MPV17L2: variants seen among roughly 807,000 people sequenced by gnomAD.
MPV17L2 encodes the protein MPV17 mitochondrial inner membrane protein like 2.
In MPV17L2, 25 loss-of-function variants were observed where a neutral mutation model predicts 24.2. The ratio of observed to expected loss-of-function variants is 1.03; its 90% CI spans 0.75 to 1.44. The LOEUF is 1.44. Ranked by LOEUF, MPV17L2 falls within the 40% of genes most tolerant of loss-of-function variation. MPV17L2 has a pLI of 0.00. For synonymous variants in MPV17L2, 130 were observed against 121.4 expected (o/e 1.07, Z -0.46); for missense variants, 271 against 276.2 (o/e 0.98, Z 0.13).
rs780866737 is a variant in MPV17L2 at position 18,194,779 on chromosome 19, C to T, written c.361C>T (p.Leu121Phe). The T allele has an allele frequency of 6.2e-7, 1 of 1,607,762 alleles. No homozygotes were observed. Among genetic ancestry groups the T allele is most frequent in the Non-Finnish European group, 8.5e-7 (1 of 1,177,720 alleles). The change falls in exon 3 of 5, where the codon CTT becomes TTT. Residue 121 changes from leucine (L) to phenylalanine (F), a missense_variant and splice_region_variant. Transcript: ENST00000599612. Reference protein sequence around the residue: ...PLLGVWYFLGLGCLEGQTVGE... With the variant: ...PLLGVWYFLGFGCLEGQTVGE... The stretch of plus-strand genomic sequence containing the variant: ...TCATTTCTTGGTTTGCTTCCCAGGC[C>T]TTGGCTGCCTGGAGGGTCAGACAGT...
Position 18,196,738 on chromosome 19 carries a change from G to T in MPV17L2, c.*683G>T. ...ATATTGAAAAATAAAAATAACAAAA[G>T]AAAATGCTGTGGATGATCAAAACCA... is the stretch of plus-strand genomic sequence containing the variant. On this transcript the variant is annotated 3_prime_UTR_variant, in exon 5 of 5. Transcript: ENST00000599612. 1 of 320,434 alleles carries T rather than the reference G, an allele frequency of 3.1e-6. No homozygotes were observed. Among genetic ancestry groups the T allele is most frequent in the African/African-American group, 2.2e-5 (1 of 46,462 alleles). 19.8% of individuals were successfully genotyped at this position (320,434 alleles called of 1,614,324 possible). A position where few individuals can be genotyped will look rare whatever the true frequency, so the allele number is the denominator to read the frequency against.
chr19:18,194,126 C>T (rs1459478277), intron 2 of MPV17L2, 92 bp downstream of exon 2: 1 of 1,423,316 alleles, frequency 7.0e-7, no homozygotes, highest in South Asian at 1.3e-5. Flanking sequence ...GGTGCATTTC[C>T]AATTTGCCCC....
chr19:18,195,516 ACAGAGCGAG>A, intron 4 of MPV17L2, among the ~76,000 whole-genome samples: 1 of 149,638 alleles, frequency 6.7e-6, no homozygotes, highest in East Asian at 2.0e-4. Context: ...AGCCTAGGTG[ACAGAGCGAG>A]ACTCCGTTTC....
At chr19:18,193,506 G>A (rs1210014603) in intron 1 of MPV17L2, 38 bp downstream of exon 1, 1 of 1,443,830 alleles carries the variant, frequency 6.9e-7, no homozygotes, top group Admixed American at 2.7e-5. Flanking sequence ...CACCCCGGGC[G>A]ACCTTTGATC....
chr19:18,193,303 C>T lies in MPV17L2; in HGVS notation c.22C>T (p.Arg8Trp). The T allele has an allele frequency of 6.5e-7, 1 of 1,547,460 alleles. No homozygotes were observed. Among genetic ancestry groups the T allele is most frequent in the South Asian group, 1.2e-5 (1 of 84,036 alleles). The change falls in exon 1 of 5, where the codon CGG (arginine) becomes TGG (tryptophan). Residue 8 changes from arginine (R) to tryptophan (W), a missense_variant. By Grantham distance (101) the Arg-to-Trp change is moderately radical. Transcript: ENST00000599612. Reference sequence around the variant, plus strand: ...GGCGATGGCGCGGGGTGGCTGGCGCCGGCTACGCCGCCTGTTATCCGCGGG... The same window carrying T: ...GGCGATGGCGCGGGGTGGCTGGCGCTGGCTACGCCGCCTGTTATCCGCGGG... MARGGWRRLRRLLSAGQL... is the reference protein window; with the variant it reads MARGGWRWLRRLLSAGQL...
rs1967471359 is a variant in MPV17L2 at position 18,194,180 on chromosome 19, C to T, written c.358+146C>T. 4.7e-6 allele frequency: 4 copies of T among 850,626 alleles called. No homozygotes were observed. In the Admixed American group the frequency reaches 1.0e-4, roughly 22 times the overall value. 52.7% of individuals were successfully genotyped at this position (850,626 alleles called of 1,614,324 possible). A position where few individuals can be genotyped will look rare whatever the true frequency, so the allele number is the denominator to read the frequency against. ...ACTAGGAGCCAGGTCACAGCGGGGA[C>T]AGGACGGACTCGGCCGATGTGAACG... On this transcript the variant is annotated intron_variant, in intron 2 of 4. Coordinates refer to ENST00000599612, the MANE Select transcript of MPV17L2 (RefSeq NM_032683.3).
chr19:18,195,087 G>C lies in MPV17L2; in HGVS notation c.564+1G>C, dbSNP rs376802431. On this transcript the variant is annotated splice_donor_variant, in intron 4 of 4. Transcript: ENST00000599612. LOFTEE classifies it high-confidence loss of function. ...GTACCTGTCCTACTTGAAGTACCGG[G>C]TGAGTGTGGAGGGCATACCAGGCAC... 21 of 1,613,902 alleles carry C rather than the reference G, an allele frequency of 1.3e-5. No individual in the cohort carries two copies. Among genetic ancestry groups the C allele is most frequent in the Non-Finnish European group, 1.4e-5 (17 of 1,179,862 alleles).
rs749143286 is a variant in MPV17L2, at chr19:18,195,143, G to C, written c.564+57G>C. On this transcript the variant is annotated intron_variant, in intron 4 of 4. Transcript: ENST00000599612. ...GGACTCCCCAGGGGGCTACACGTGT[G>C]AGCTCCAAGTGGCAGTGTAGCCAGC... 285 of 1,575,438 alleles carry C rather than the reference G, an allele frequency of 1.8e-4. 1 individual carries two copies. Among genetic ancestry groups the C allele is most frequent in the Non-Finnish European group, 2.4e-4 (277 of 1,156,896 alleles).
At position 18,196,180 on chromosome 19, in the gene MPV17L2, G is replaced by T. The variant is rs17683509; in HGVS notation, c.*125G>T. ...CACGTCCCAGCACCACTTCAGCTCC[G>T]GAGCATTGGGCTGAGCCGCCCTTTC... On this transcript the variant is annotated 3_prime_UTR_variant, in exon 5 of 5. Transcript: ENST00000599612. The T allele has an allele frequency of 7.0e-6, 11 of 1,560,752 alleles. No homozygotes were observed. In the Admixed American group the frequency reaches 2.1e-4, roughly 29 times the overall value.
At position 18,193,386 on chromosome 19, in the gene MPV17L2, G is replaced by C. The variant is rs1485435570; in HGVS notation, c.105G>C (p.Ala35=). 4.5e-6 allele frequency: 7 copies of C among 1,567,128 alleles called. No individual in the cohort carries two copies. Among genetic ancestry groups the C allele is most frequent in the African/African-American group, 1.4e-5 (1 of 72,574 alleles). The change falls in exon 1 of 5, where the codon GCG becomes GCC. Residue 35 remains alanine, a synonymous_variant. Transcript: ENST00000599612. ...LLVTNTLGCG[A]LMAAGDGVRQ... is the part of the protein sequence containing the mutation. The stretch of plus-strand genomic sequence containing the variant: ...TCACTAACACGCTGGGCTGCGGCGC[G>C]CTCATGGCGGCCGGTGATGGCGTGC...
At position 18,196,248 on chromosome 19, in the gene MPV17L2, C is replaced by A; in HGVS notation, c.*193C>A. The A allele has an allele frequency of 6.6e-7, 1 of 1,523,132 alleles. No individual in the cohort carries two copies. The highest frequency in any genetic ancestry group is 8.8e-7 in the Non-Finnish European group (1 of 1,138,714). The allele number at this position is 1,523,132 out of a possible 1,614,324, so 94.4% of individuals were successfully genotyped here. ...CTGAGTTTCCTCAACCGGAACACAC[C>A]CATGAAGATGGATGATCATCCCCTA... On this transcript the variant is annotated 3_prime_UTR_variant, in exon 5 of 5. Transcript: ENST00000599612.
In MPV17L2 at chr19:18,193,841, CCCCCTGA is replaced by C; in HGVS notation, c.188-21_188-15del. On this transcript the variant is annotated splice_polypyrimidine_tract_variant and intron_variant, in intron 1 of 4. Coordinates refer to ENST00000599612, the MANE Select transcript of MPV17L2 (RefSeq NM_032683.3). ...TGAGGAACTTGCCGGCCCGACCCAGCCCCCTGACTTACACTCTTATAGCGAGCATGTT... is the reference window on the plus strand; with the variant it reads ...TGAGGAACTTGCCGGCCCGACCCAGCCTTACACTCTTATAGCGAGCATGTT... 4 of 1,610,266 alleles carry C rather than the reference CCCCCTGA, an allele frequency of 2.5e-6. No individual in the cohort carries two copies. The highest frequency in any genetic ancestry group is 3.4e-6 in the Non-Finnish European group (4 of 1,177,096).
At chr19:18,193,791 C>A in intron 1 of MPV17L2, 73 bp from the exon 2 acceptor site, 1 of 1,577,920 alleles carries the variant, frequency 6.3e-7, no homozygotes, top group African/African-American at 1.3e-5. Flanking sequence ...CAGGCCTTAG[C>A]CAGGGAGGGA....
rs757592714 is a variant in MPV17L2, at chr19:18,195,002, C to T, written c.480C>T (p.Leu160=). The change falls in exon 4 of 5, where the codon CTC becomes CTT. Residue 160 remains leucine, a synonymous_variant. Coordinates refer to ENST00000599612, the MANE Select transcript of MPV17L2 (RefSeq NM_032683.3). ...CTGCTGCGCAGTTCGTGAACTTCCT[C>T]TTCGTGCCCCCCCAATTTCGAGTCA... ...VWPAAQFVNF[L]FVPPQFRVTY... 6.2e-6 allele frequency: 10 copies of T among 1,614,072 alleles called. No individual in the cohort carries two copies. In the East Asian group the frequency reaches 1.6e-4, roughly 25 times the overall value.
chr19:18,195,677 C>A (rs1371470350), intron 4 of MPV17L2, among the ~76,000 whole-genome samples: 2 of 149,486 alleles, frequency 1.3e-5, no homozygotes, highest in Non-Finnish European at 3.0e-5. Flanking sequence ...ACTAAAAATA[C>A]AAAAAAAAAA....
Position 18,193,990 on chromosome 19 carries a change from A to T in MPV17L2, c.314A>T (p.Asp105Val), listed in dbSNP as rs769274039. The change falls in exon 2 of 5, where the codon GAT (aspartate) becomes GTT (valine). Residue 105 changes from aspartate to valine, a missense_variant. Coordinates refer to ENST00000599612, the MANE Select transcript of MPV17L2 (RefSeq NM_032683.3). Reference protein sequence around the residue: ...FPNVLKKVLVDQLVASPLLGV... With the variant: ...FPNVLKKVLVVQLVASPLLGV... Reference sequence around the variant, plus strand: ...AATGTCCTCAAGAAGGTCCTCGTGGATCAGCTGGTAGCCTCTCCATTGCTG... The same window carrying T: ...AATGTCCTCAAGAAGGTCCTCGTGGTTCAGCTGGTAGCCTCTCCATTGCTG... The T allele has an allele frequency of 6.2e-7, 1 of 1,614,236 alleles. No homozygotes were observed. Among genetic ancestry groups the T allele is most frequent in the East Asian group, 2.2e-5 (1 of 44,894 alleles).
In MPV17L2 at chr19:18,194,933, CCTCATCCCCCGCCT is replaced by C. The variant is rs890301876; in HGVS notation, c.436-21_436-8del. The C allele has an allele frequency of 1.9e-6, 3 of 1,608,058 alleles. No homozygotes were observed. In the African/African-American group the frequency reaches 4.0e-5, roughly 21 times the overall value. ...GCCCCCGCCCAGCTCTGGCCCCGCC[CCTCATCCCCCGCCT>C]CTCCCCGCAGGCAGACTGGTGCGTG... On this transcript the variant is annotated splice_polypyrimidine_tract_variant and intron_variant, in intron 3 of 4. Transcript: ENST00000599612.
Position 18,196,200 on chromosome 19 carries a change from C to T in MPV17L2, c.*145C>T, listed in dbSNP as rs748798911. The T allele has an allele frequency of 6.5e-7, 1 of 1,541,268 alleles. No homozygotes were observed. Among genetic ancestry groups the T allele is most frequent in the Non-Finnish European group, 8.7e-7 (1 of 1,148,046 alleles). On this transcript the variant is annotated 3_prime_UTR_variant, in exon 5 of 5. Transcript: ENST00000599612. The stretch of plus-strand genomic sequence containing the variant: ...GCTCCGGAGCATTGGGCTGAGCCGC[C>T]CTTTCCAAGCTCACTTCTGGGACTG...
intron 4 of MPV17L2, among the ~76,000 whole-genome samples, 165 bp from the exon 5 acceptor site, chr19:18,195,834 C>T (rs1967507738): frequency 6.6e-6 from 1 of 152,244 alleles, no homozygotes. Context: ...GAGACTCCGT[C>T]TCAAACAAAC....
Sources: allele counts gnomAD v4.1 joint callset (sites outside exome capture counted in the v4.1 genomes callset), GRCh38; gene constraint gnomAD v4.1.1; transcripts MANE v1.5; gene names NCBI Gene and HGNC (gene_info 2026-07-23, HGNC 2026-07-21).